CSMD1: variants seen among roughly 807,000 people sequenced by gnomAD.
The protein encoded by CSMD1 is CUB and sushi domain-containing protein 1.
A neutral mutation model predicts 417.5 loss-of-function variants in CSMD1; 213 were observed. That is an observed-to-expected ratio of 0.51 (90% CI 0.46 to 0.57). CSMD1 has a LOEUF of 0.57. CSMD1 is among the 20% of genes least tolerant of loss of function. CSMD1 has a pLI of 0.00. For synonymous variants in CSMD1, 2,862 were observed against 1,736.8 expected (o/e 1.65, Z -16.11); for missense variants, 6,923 against 4,529.7 (o/e 1.53, Z -15.17).
intron 3 of CSMD1, among the ~76,000 whole-genome samples, chr8:4,217,915 GAAC>G (rs1410715635): frequency 1.3e-5 from 2 of 152,152 alleles, no homozygotes; most frequent in East Asian, 3.9e-4. Context: ...CAAAGAAGAA[GAAC>G]AAGATTCAGG....
At chr8:3,467,049 CT>C (rs1194293263) in intron 12 of CSMD1, among the ~76,000 whole-genome samples, 40 of 152,276 alleles carry the variant, frequency 2.6e-4, no homozygotes, top group African/African-American at 9.4e-4. Context: ...TTTATGACAT[CT>C]CATGAAAAGC....
At chr8:3,107,859 T>A (rs1008187855) in intron 44 of CSMD1, 61 bp from the exon 45 acceptor site, 7 of 1,062,578 alleles carry the variant, frequency 6.6e-6, no homozygotes, top group South Asian at 1.4e-5. Flanking sequence ...TAAACACAAC[T>A]ATTACAAAAC....
chr8:3,533,712 T>A (rs942525236), intron 10 of CSMD1, among the ~76,000 whole-genome samples: 2 of 152,220 alleles, frequency 1.3e-5, no homozygotes, highest in Non-Finnish European at 2.9e-5. Context: ...CACCGTGATG[T>A]ATCATCCTGG....
intron 49 of CSMD1, among the ~76,000 whole-genome samples, chr8:3,061,324 T>C (rs1322301874): frequency 6.6e-6 from 1 of 152,226 alleles, no homozygotes; most frequent in East Asian, 1.9e-4. Flanking sequence ...TGAGAAATAA[T>C]AATTTTCCTT....
intron 3 of CSMD1, among the ~76,000 whole-genome samples, chr8:4,077,279 C>CTATATATATATATGTACA (rs1281597523): frequency 1.1e-5 from 1 of 94,992 alleles, no homozygotes. Context: ...CATTTGTCAC[C>CTATATATATATATGTACA]TATATATATA....
chr8:3,339,408 G>A lies in CSMD1; in HGVS notation c.3631+3886C>T, dbSNP rs960668212. Among the ~76,000 whole-genome samples, 3 of 152,098 alleles carry A rather than the reference G, an allele frequency of 2.0e-5. 1 individual carries two copies. The South Asian group carries it at 6.2e-4, about 32-fold the overall frequency. On this transcript the variant is annotated intron_variant, in intron 23 of 69. Transcript: ENST00000635120. ...GCCAAGGGTAGGGGGGTTGCCTTAG[G>A]AAAGCTAGCCAGCTGTCTTTCAAAA... is the stretch of plus-strand genomic sequence containing the variant.
chr8:3,978,535 G>C (rs756854528), intron 5 of CSMD1, among the ~76,000 whole-genome samples: 1 of 152,102 alleles, frequency 6.6e-6, no homozygotes, highest in Non-Finnish European at 1.5e-5. Flanking sequence ...ACTTATGTGA[G>C]TTTGGCAAAG....
chr8:3,381,638 TATC>T (rs1335806139), intron 18 of CSMD1, among the ~76,000 whole-genome samples: 28 of 152,304 alleles, frequency 1.8e-4, no homozygotes, highest in African/African-American at 6.5e-4. Context: ...AGCCAGTAGT[TATC>T]ATCCTTCTGA....
At chr8:4,342,642 T>G (rs768808861) in intron 3 of CSMD1, among the ~76,000 whole-genome samples, 2 of 151,944 alleles carry the variant, frequency 1.3e-5, no homozygotes, top group Non-Finnish European at 2.9e-5. Flanking sequence ...TCTTTATTTA[T>G]TTTCATCACA....
At chr8:3,924,645 T>G (rs1236699379) in intron 5 of CSMD1, among the ~76,000 whole-genome samples, 1 of 152,218 alleles carries the variant, frequency 6.6e-6, no homozygotes, top group Non-Finnish European at 1.5e-5. Flanking sequence ...AGTCTGCTGT[T>G]TAAACACTTC....
At chr8:3,891,395 C>A (rs78540115) in intron 5 of CSMD1, among the ~76,000 whole-genome samples, 3 of 152,084 alleles carry the variant, frequency 2.0e-5, no homozygotes, top group African/African-American at 4.8e-5. Context: ...AAAATCCATC[C>A]GAGGCCAGGT....
intron 1 of CSMD1, among the ~76,000 whole-genome samples, chr8:4,748,311 T>C (rs184864864): frequency 6.6e-6 from 1 of 152,324 alleles, no homozygotes; most frequent in Admixed American, 6.5e-5. Flanking sequence ...GAAGCCAGAG[T>C]GCACCATCTG....
chr8:3,299,448 G>C (rs1307439619), intron 25 of CSMD1, among the ~76,000 whole-genome samples: 1 of 151,844 alleles, frequency 6.6e-6, no homozygotes, highest in Non-Finnish European at 1.5e-5. Context: ...GCAACACTTT[G>C]TCTCAAAAAA....
intron 37 of CSMD1, among the ~76,000 whole-genome samples, chr8:3,175,510 T>TGCCTGCCTTCC (rs1554451344): frequency 3.8e-4 from 51 of 133,034 alleles, no homozygotes; most frequent in South Asian, 3.0e-3. Flanking sequence ...CCTGCCTGCC[T>TGCCTGCCTTCC]TTTTTCCTTC....
At chr8:3,665,383 G>T (rs1005084794) in intron 7 of CSMD1, among the ~76,000 whole-genome samples, 1 of 152,018 alleles carries the variant, frequency 6.6e-6, no homozygotes, top group Non-Finnish European at 1.5e-5. Flanking sequence ...ACAAAAATTA[G>T]CCAGGTGTGG....
chr8:3,689,999 G>C (rs1280867056), intron 7 of CSMD1, among the ~76,000 whole-genome samples: 3 of 152,204 alleles, frequency 2.0e-5, no homozygotes, highest in Non-Finnish European at 2.9e-5. Flanking sequence ...ATTTTAACAA[G>C]GTAAGGGTGG....
intron 2 of CSMD1, among the ~76,000 whole-genome samples, chr8:4,553,197 A>C (rs1797946019): frequency 6.6e-6 from 1 of 152,162 alleles, no homozygotes; most frequent in Non-Finnish European, 1.5e-5. Flanking sequence ...CATGTTTCAC[A>C]TGTGTGTCTG....
At chr8:3,425,202 G>A (rs1048193205) in intron 12 of CSMD1, among the ~76,000 whole-genome samples, 2 of 152,314 alleles carry the variant, frequency 1.3e-5, no homozygotes. Flanking sequence ...TGTACGCATA[G>A]AGAAAGCATA....
chr8:4,681,519 G>A (rs922576895), intron 1 of CSMD1, among the ~76,000 whole-genome samples: 1 of 152,150 alleles, frequency 6.6e-6, no homozygotes, highest in African/African-American at 2.4e-5. Context: ...GGTAAGCCAA[G>A]ATCTTTCCTT....
Sources: gnomAD v4.1 joint callset for allele counts (sites outside exome capture counted in the v4.1 genomes callset) on GRCh38, gnomAD v4.1.1 for gene constraint, MANE v1.5 for transcripts, NCBI Gene and HGNC (gene_info 2026-07-23, HGNC 2026-07-21) for gene names.